The following PTGR3 variants were observed in gnomAD, a reference collection of about 807,000 sequenced individuals.
PTGR3 encodes the protein prostaglandin reductase 3.
chr18:75,206,391 C>A, the PTGR3 span, among the ~76,000 whole-genome samples: 1 of 152,174 alleles, frequency 6.6e-6, no homozygotes, highest in South Asian at 2.1e-4. Context: ...GGAATTTAGG[C>A]TTACTCAATT....
the PTGR3 span, chr18:75,201,913 G>GA: frequency 2.5e-6 from 4 of 1,614,072 alleles, no homozygotes; most frequent in Non-Finnish European, 3.4e-6. Flanking sequence ...AGAGATTTCA[G>GA]AAAAGCAGAC....
At chr18:75,204,823 C>G in the PTGR3 span, among the ~76,000 whole-genome samples, 3 of 152,298 alleles carry the variant, frequency 2.0e-5, no homozygotes, top group African/African-American at 7.2e-5. Flanking sequence ...GCCGGCCGCG[C>G]AGCTCCGCCT....
the PTGR3 span, among the ~76,000 whole-genome samples, chr18:75,203,492 C>A: frequency 6.6e-6 from 1 of 152,284 alleles, no homozygotes; most frequent in East Asian, 1.9e-4. Context: ...TAATACTCTG[C>A]GCTTATAAAA....
At chr18:75,199,306 C>T in the PTGR3 span, 1 of 152,614 alleles carries the variant, frequency 6.6e-6, no homozygotes. Flanking sequence ...CCGGGACTCA[C>T]TTCAGTTTCG....
At chr18:75,206,413 G>A in the PTGR3 span, among the ~76,000 whole-genome samples, 3 of 152,124 alleles carry the variant, frequency 2.0e-5, no homozygotes, top group Admixed American at 6.5e-5. Context: ...ATTCTAGAGC[G>A]GATTTTAAGA....
chr18:75,205,915 C>G, the PTGR3 span, among the ~76,000 whole-genome samples: 1 of 152,282 alleles, frequency 6.6e-6, no homozygotes, highest in South Asian at 2.1e-4. Context: ...CCCACCGTCC[C>G]TTAGCCATTC....
chr18:75,205,335 C>T, the PTGR3 span: 36 of 985,758 alleles, frequency 3.7e-5, no homozygotes, highest in Non-Finnish European at 4.2e-5. Context: ...GAAAGACACA[C>T]TGGGAAGGAT....
chr18:75,204,970 C>T, the PTGR3 span, among the ~76,000 whole-genome samples: 1 of 152,226 alleles, frequency 6.6e-6, no homozygotes, highest in East Asian at 1.9e-4. Context: ...TCTCCCGCCC[C>T]GCCGTCTTCT....
At chr18:75,201,412 G>A in the PTGR3 span, 5 of 1,602,606 alleles carry the variant, frequency 3.1e-6, no homozygotes, top group African/African-American at 5.4e-5. Flanking sequence ...TCATTGTTCT[G>A]TTTTTACAGC....
chr18:75,206,906 C>G, the PTGR3 span, among the ~76,000 whole-genome samples: 1 of 152,246 alleles, frequency 6.6e-6, no homozygotes, highest in Non-Finnish European at 1.5e-5. Context: ...GCCCCAGGAC[C>G]AACCCTGGTG....
the PTGR3 span, chr18:75,197,075 T>A: frequency 6.6e-6 from 1 of 152,184 alleles, no homozygotes; most frequent in Non-Finnish European, 1.5e-5. Flanking sequence ...CCATAGTTTG[T>A]TCATGGTAAC....
At chr18:75,201,551 G>A in the PTGR3 span, 21 of 1,614,114 alleles carry the variant, frequency 1.3e-5, no homozygotes, top group African/African-American at 2.7e-4. Flanking sequence ...GATCTCCAAG[G>A]TCCACCTCAC....
chr18:75,205,360 A>T, the PTGR3 span: 34 of 977,194 alleles, frequency 3.5e-5, no homozygotes, highest in Non-Finnish European at 3.9e-5. Flanking sequence ...GCATTTGGAG[A>T]CCCTCCTTGT....
the PTGR3 span, chr18:75,197,269 C>G: frequency 4.1e-4 from 62 of 152,272 alleles, no homozygotes; most frequent in African/African-American, 1.5e-3. Context: ...CTGAGTGTAG[C>G]TGGATTGTTT....
At chr18:75,200,157 C>A in the PTGR3 span, 1 of 152,146 alleles carries the variant, frequency 6.6e-6, no homozygotes, top group Non-Finnish European at 1.5e-5. Context: ...TCAATCAGAA[C>A]GGGCCCATGG....
At chr18:75,201,100 C>T in the PTGR3 span, 23 of 282,738 alleles carry the variant, frequency 8.1e-5, no homozygotes, top group Non-Finnish European at 1.2e-4. Context: ...CATACTGACT[C>T]GATCAGATCT....
chr18:75,208,884 G>A, the PTGR3 span: 1 of 1,546,790 alleles, frequency 6.5e-7, no homozygotes, highest in Non-Finnish European at 8.7e-7. Flanking sequence ...TCCCCGGGGA[G>A]CGGCACCGGG....
the PTGR3 span, chr18:75,202,054 C>A: frequency 1.9e-6 from 3 of 1,614,136 alleles, no homozygotes; most frequent in South Asian, 3.3e-5. Context: ...CCTCCGAGCT[C>A]TTTCAGGCTG....
the PTGR3 span, among the ~76,000 whole-genome samples, chr18:75,204,536 C>G: frequency 1.3e-5 from 2 of 152,150 alleles, no homozygotes; most frequent in Non-Finnish European, 2.9e-5. Flanking sequence ...AGCAGACGCG[C>G]GGGGCCCGCG....
Sources: gnomAD v4.1 joint callset for allele counts (sites outside exome capture counted in the v4.1 genomes callset) on GRCh38, gnomAD v4.1.1 for gene constraint, MANE v1.5 for transcripts, NCBI Gene and HGNC (gene_info 2026-07-23, HGNC 2026-07-21) for gene names.